Variants in MAPK6 observed in about 807,000 individuals in gnomAD.
MAPK6 encodes mitogen-activated protein kinase 6.
A neutral mutation model predicts 59.3 loss-of-function variants in MAPK6; 19 were observed. The observed-to-expected ratio is 0.32, with a 90% CI of 0.22 to 0.47. The LOEUF is 0.47. Ranked by LOEUF, MAPK6 falls within the 20% of genes least tolerant of loss-of-function variation. MAPK6 has a pLI of 1.00. For missense variants in MAPK6, 724 were observed against 847.9 expected, an observed-to-expected ratio of 0.85 and a Z score of 1.81; for synonymous variants, 316 against 290.3, an observed-to-expected ratio of 1.09 and a Z score of -0.90.
At chr15:52,006,561 A>G (rs2057259345) in intron 3 of MAPK6, among the ~76,000 whole-genome samples, 1 of 152,364 alleles carries the variant, frequency 6.6e-6, no homozygotes, top group South Asian at 2.1e-4. Flanking sequence ...GTGTGAGAAT[A>G]TCAGCCGGGA....
At chr15:52,050,472 C>T (rs1292057497) in intron 3 of MAPK6, among the ~76,000 whole-genome samples, 1 of 152,134 alleles carries the variant, frequency 6.6e-6, no homozygotes, top group East Asian at 1.9e-4. Context: ...TGTTGAAAAT[C>T]CAACAAATTT....
intron 1 of MAPK6, among the ~76,000 whole-genome samples, chr15:52,036,819 C>G (rs954898713): frequency 6.6e-6 from 1 of 151,634 alleles, no homozygotes; most frequent in African/African-American, 2.4e-5. Context: ...TTTCCCTCCC[C>G]TCCTCTCCCC....
chr15:51,972,164 A>G (rs1212692982), intron 1 of MAPK6, among the ~76,000 whole-genome samples: 1 of 152,042 alleles, frequency 6.6e-6, no homozygotes, highest in East Asian at 1.9e-4. Context: ...GTTGAGACGG[A>G]GTCTCGCTCA....
chr15:52,065,249 A>C lies in MAPK6; in HGVS notation c.*249A>C, dbSNP rs967542398. 1 of 369,572 alleles carries C rather than the reference A, an allele frequency of 2.7e-6. No individual in the cohort carries two copies. Among genetic ancestry groups the C allele is most frequent in the Non-Finnish European group, 4.8e-6 (1 of 206,798 alleles). 22.9% of individuals were successfully genotyped at this position (369,572 alleles called of 1,614,324 possible). On this transcript the variant is annotated 3_prime_UTR_variant, in exon 6 of 6. Coordinates refer to ENST00000261845, the MANE Select transcript of MAPK6 (RefSeq NM_002748.4). Reference sequence around the variant, plus strand: ...TAATGCAACGCAGGAGGAGAAAAGAAATGCACTAAGACAAGAACATTCTCT... The same window carrying C: ...TAATGCAACGCAGGAGGAGAAAAGACATGCACTAAGACAAGAACATTCTCT...
intron 1 of MAPK6, among the ~76,000 whole-genome samples, chr15:52,029,759 T>G (rs2030957433): frequency 6.6e-6 from 1 of 152,220 alleles, no homozygotes; most frequent in South Asian, 2.1e-4. Flanking sequence ...TAAATCTGTT[T>G]ATTCAATTAT....
Position 51,984,447 on chromosome 15 carries a change from A to ATTTTTTTTTTTTTTTT in MAPK6, c.-770+1146_-770+1161dup, listed in dbSNP as rs71130112. Among the ~76,000 whole-genome samples, 66 of 69,980 alleles carry ATTTTTTTTTTTTTTTT rather than the reference A, an allele frequency of 9.4e-4. 1 individual carries two copies. Among genetic ancestry groups the ATTTTTTTTTTTTTTTT allele is most frequent in the African/African-American group, 2.1e-3 (32 of 15,088 alleles). 45.9% of individuals were successfully genotyped at this position (69,980 alleles called of 152,430 possible). Reference sequence around the variant, plus strand: ...CAGGCGCCTGCCAACACGCCGGCTAATTTTTTTTTTTTTTTTTTTTTTTTT... The same window carrying ATTTTTTTTTTTTTTTT: ...CAGGCGCCTGCCAACACGCCGGCTAATTTTTTTTTTTTTTTTTTTTTTTTTTTTTTTTTTTTTTTTT... On this transcript the variant is annotated intron_variant, in intron 2 of 7. Coordinates refer to the MAPK6 transcript ENST00000691380.
intron 2 of MAPK6, among the ~76,000 whole-genome samples, chr15:51,987,709 C>T (rs186209723): frequency 1.3e-5 from 2 of 150,890 alleles, no homozygotes; most frequent in Non-Finnish European, 2.9e-5. Context: ...TTTTACTGCT[C>T]TTTTTGACTT....
chr15:52,042,885 T>C (rs2031470747), intron 1 of MAPK6: 1 of 152,192 alleles, frequency 6.6e-6, no homozygotes, highest in African/African-American at 2.4e-5. Context: ...ATGTAAAATT[T>C]AGGAAATAAT....
chr15:52,048,277 G>A (rs2031659540), intron 2 of MAPK6, among the ~76,000 whole-genome samples: 1 of 151,998 alleles, frequency 6.6e-6, no homozygotes, highest in Non-Finnish European at 1.5e-5. Flanking sequence ...AGCCTCCCAA[G>A]TAGCTGGGAT....
At chr15:52,036,137 G>T (rs1181557090) in intron 1 of MAPK6, among the ~76,000 whole-genome samples, 3 of 152,102 alleles carry the variant, frequency 2.0e-5, no homozygotes, top group Non-Finnish European at 4.4e-5. Flanking sequence ...ACCTGGCTCT[G>T]CCTGGGTGAC....
chr15:52,063,286 C>T (rs1239601298), intron 5 of MAPK6, among the ~76,000 whole-genome samples: 1 of 152,220 alleles, frequency 6.6e-6, no homozygotes, highest in Non-Finnish European at 1.5e-5. Flanking sequence ...TGGTTTCAAA[C>T]TCCTGACCTC....
At chr15:51,979,432 T>G (rs1171377183) in intron 1 of MAPK6, among the ~76,000 whole-genome samples, 1 of 151,850 alleles carries the variant, frequency 6.6e-6, no homozygotes, top group African/African-American at 2.4e-5. Flanking sequence ...AATATTTTAT[T>G]TCCAAGATAC....
At position 51,997,125 on chromosome 15, in the gene MAPK6, G is replaced by A. The variant is rs9989258; in HGVS notation, c.-769-7140G>A. ...CTCCTGAGTAGCTGGGATTACAGGCGCCCGCCACTACACCCAGCTAGTTTT... is the reference window on the plus strand; with the variant it reads ...CTCCTGAGTAGCTGGGATTACAGGCACCCGCCACTACACCCAGCTAGTTTT... On this transcript the variant is annotated intron_variant, in intron 2 of 7. Coordinates refer to the MAPK6 transcript ENST00000691380. Among the ~76,000 whole-genome samples, 974 of 148,718 alleles carry A rather than the reference G, an allele frequency of 6.5e-3. 14 individuals carry two copies. Among genetic ancestry groups the A allele is most frequent in the African/African-American group, 0.023 (938 of 40,062 alleles).
chr15:51,991,180 C>CAT (rs1555395350), intron 2 of MAPK6, among the ~76,000 whole-genome samples: 17 of 142,962 alleles, frequency 1.2e-4, no homozygotes, highest in Non-Finnish European at 1.5e-4. Flanking sequence ...CACACACACA[C>CAT]ATATATATAT....
At chr15:51,984,925 T>C (rs1162769060) in intron 2 of MAPK6, among the ~76,000 whole-genome samples, 2 of 152,224 alleles carry the variant, frequency 1.3e-5, no homozygotes, top group Admixed American at 6.5e-5. Context: ...GTTTGTTTTG[T>C]TTTTTGTTTC....
intron 1 of MAPK6, among the ~76,000 whole-genome samples, chr15:52,039,331 A>G (rs536758301): frequency 6.3e-4 from 96 of 152,296 alleles, no homozygotes; most frequent in African/African-American, 2.2e-3. Context: ...ACTGTAAGTC[A>G]TCCATACTGG....
intron 1 of MAPK6, among the ~76,000 whole-genome samples, chr15:52,036,890 C>T (rs1289210438): frequency 2.0e-5 from 3 of 151,386 alleles, no homozygotes; most frequent in African/African-American, 7.3e-5. Context: ...AAAAGAATGG[C>T]TACTCCATAG....
intron 3 of MAPK6, among the ~76,000 whole-genome samples, chr15:52,057,794 C>G (rs566030191): frequency 6.6e-6 from 1 of 152,256 alleles, no homozygotes; most frequent in South Asian, 2.1e-4. Flanking sequence ...ATTAACAACC[C>G]TATTCTTCCC....
chr15:52,061,899 CAA>C (rs1410936744), intron 5 of MAPK6, among the ~76,000 whole-genome samples: 2 of 152,016 alleles, frequency 1.3e-5, no homozygotes, highest in Non-Finnish European at 2.9e-5. Flanking sequence ...GAAACATTTT[CAA>C]AGTCATTAAG....
Sources: gnomAD v4.1 joint callset for allele counts (sites outside exome capture counted in the v4.1 genomes callset) on GRCh38, gnomAD v4.1.1 for gene constraint, MANE v1.5 for transcripts, NCBI Gene and HGNC (gene_info 2026-07-23, HGNC 2026-07-21) for gene names.